TRAPPC8: variants seen among roughly 807,000 people sequenced by gnomAD.
The protein encoded by TRAPPC8 is general sporulation gene 1 homolog.
A neutral mutation model predicts 174.3 loss-of-function variants in TRAPPC8; 54 were observed. The observed-to-expected ratio is 0.31, with a 90% CI of 0.25 to 0.39. TRAPPC8 has a LOEUF of 0.39. Ranked by LOEUF, TRAPPC8 falls within the 10% of genes least tolerant of loss-of-function variation. TRAPPC8 has a pLI of 1.00. For synonymous variants in TRAPPC8, 630 were observed against 579.9 expected, an observed-to-expected ratio of 1.09 and a Z score of -1.24; for missense variants, 1,531 against 1,699.1, an observed-to-expected ratio of 0.90 and a Z score of 1.74.
chr18:31,936,017 G>A (rs1376953388), intron 1 of TRAPPC8, among the ~76,000 whole-genome samples: 3 of 151,696 alleles, frequency 2.0e-5, no homozygotes, highest in South Asian at 4.2e-4. Context: ...GATTACAGGC[G>A]TGAGCCACCA....
At chr18:31,931,610 A>C (rs907411393) in intron 1 of TRAPPC8, 87 bp from the exon 2 acceptor site, 1 of 1,042,692 alleles carries the variant, frequency 9.6e-7, no homozygotes, top group Non-Finnish European at 1.3e-6. Flanking sequence ...ACAAACAAAA[A>C]GGATGTACAA....
intron 26 of TRAPPC8, 112 bp from the exon 27 acceptor site, chr18:31,839,569 A>T (rs2032974547): frequency 2.1e-6 from 2 of 966,550 alleles, no homozygotes; most frequent in Non-Finnish European, 2.9e-6. Context: ...AATGTAATGC[A>T]TGAACAGTAC....
intron 14 of TRAPPC8, among the ~76,000 whole-genome samples, chr18:31,872,217 T>C (rs2034903389): frequency 6.6e-6 from 1 of 152,182 alleles, no homozygotes; most frequent in Non-Finnish European, 1.5e-5. Flanking sequence ...TTTCTGTTTC[T>C]GAGTTATTTA....
At chr18:31,864,914 T>G in intron 18 of TRAPPC8, 133 bp from the exon 19 acceptor site, 1 of 786,382 alleles carries the variant, frequency 1.3e-6, no homozygotes, top group South Asian at 2.0e-5. Flanking sequence ...TTAACATGAT[T>G]AATCAAAGAA....
intron 14 of TRAPPC8, among the ~76,000 whole-genome samples, chr18:31,872,954 T>C (rs1330840524): frequency 6.6e-6 from 1 of 151,168 alleles, no homozygotes; most frequent in Non-Finnish European, 1.5e-5. Flanking sequence ...ACCAAAATAG[T>C]AGTTATCTTC....
At chr18:31,852,372 A>T in intron 24 of TRAPPC8, 74 bp downstream of exon 24, 1 of 1,559,706 alleles carries the variant, frequency 6.4e-7, no homozygotes, top group African/African-American at 1.4e-5. Flanking sequence ...TTACTGCGAT[A>T]AGCCTTGCCA....
chr18:31,873,140 CT>C (rs1254727888), intron 14 of TRAPPC8, among the ~76,000 whole-genome samples: 2 of 148,342 alleles, frequency 1.3e-5, no homozygotes, highest in Non-Finnish European at 3.0e-5. Context: ...ACCTCAGCCT[CT>C]TGAGTTGATG....
intron 2 of TRAPPC8, among the ~76,000 whole-genome samples, chr18:31,929,360 T>C (rs2037756936): frequency 6.6e-6 from 1 of 151,306 alleles, no homozygotes; most frequent in African/African-American, 2.4e-5. Context: ...ACCCTGTCTC[T>C]ACAAAAAAAT....
At chr18:31,923,650 A>C (rs2037481498) in intron 2 of TRAPPC8, among the ~76,000 whole-genome samples, 1 of 152,094 alleles carries the variant, frequency 6.6e-6, no homozygotes, top group Non-Finnish European at 1.5e-5. Flanking sequence ...ATTTTACTAA[A>C]ATTAACGTAG....
In TRAPPC8 at chr18:31,917,589, TG is replaced by T; in HGVS notation, c.430del (p.His144ThrfsTer3). The T allele has an allele frequency of 6.2e-7, 1 of 1,612,186 alleles. No homozygotes were observed. Among genetic ancestry groups the T allele is most frequent in the Non-Finnish European group, 8.5e-7 (1 of 1,178,904 alleles). ...MPALDHEFLNHYLACMLVASS... is the reference protein window; with the variant it reads ...MPALDHEFLNXYLACMLVASS... ...ATGTCAAAGGATACATGCTAAATAG[TG>T]GTTCAGAAATTCATGATCCAATGCT... On this transcript the variant is annotated frameshift_variant, in exon 3 of 29. Coordinates refer to ENST00000283351, the MANE Select transcript of TRAPPC8 (RefSeq NM_014939.5). LOFTEE classifies it high-confidence loss of function.
chr18:31,908,296 T>C lies in TRAPPC8; in HGVS notation c.1238+7A>G, dbSNP rs1268374445. Reference sequence around the variant, plus strand: ...AGGAAAAACAAAAATGATAACACTTTACTCACAGCAAGCCAGATGTATTTT... The same window carrying C: ...AGGAAAAACAAAAATGATAACACTTCACTCACAGCAAGCCAGATGTATTTT... On this transcript the variant is annotated splice_region_variant and intron_variant, in intron 8 of 28. Transcript: ENST00000283351. 1 of 1,578,566 alleles carries C rather than the reference T, an allele frequency of 6.3e-7. No homozygotes were observed. Among genetic ancestry groups the C allele is most frequent in the Non-Finnish European group, 8.6e-7 (1 of 1,160,312 alleles).
Position 31,855,682 on chromosome 18 carries a change from A to G in TRAPPC8, c.3314T>C (p.Val1105Ala), listed in dbSNP as rs2033963219. 6.3e-7 allele frequency: 1 copy of G among 1,599,122 alleles called. No homozygotes were observed. The highest frequency in any genetic ancestry group is 1.4e-5 in the African/African-American group (1 of 73,694). ...EGRGGNMLVFVDVENTNTSEA... is the reference protein window; with the variant it reads ...EGRGGNMLVFADVENTNTSEA... Reference sequence around the variant, plus strand: ...TACAGTATTGGTATTTTCCACATCCACAAAGACTAGCATATTGCCTCCTCT... The same window carrying G: ...TACAGTATTGGTATTTTCCACATCCGCAAAGACTAGCATATTGCCTCCTCT... Residue 1105 changes from valine (V) to alanine (A), a missense_variant, in exon 21 of 29, where the codon GTG becomes GCG. Coordinates refer to ENST00000283351, the MANE Select transcript of TRAPPC8 (RefSeq NM_014939.5).
Position 31,857,663 on chromosome 18 carries a change from G to C in TRAPPC8, c.3065C>G (p.Thr1022Ser). ...PEVIPVPLPD[T>S]VLLPGASVQL... ...CACTGAGGCTCCGGGTAGAAGAACA[G>C]TGTCAGGAAGGGGAACAGGAATCAC... is the stretch of plus-strand genomic sequence containing the variant. Residue 1022 changes from threonine to serine, a missense_variant, in exon 20 of 29, where the codon ACT becomes AGT. Coordinates refer to ENST00000283351, the MANE Select transcript of TRAPPC8 (RefSeq NM_014939.5). The C allele has an allele frequency of 6.2e-7, 1 of 1,614,178 alleles. No individual in the cohort carries two copies. The highest frequency in any genetic ancestry group is 8.5e-7 in the Non-Finnish European group (1 of 1,180,020).
At position 31,846,756 on chromosome 18, in the gene TRAPPC8, C is replaced by A. The variant is rs201697808; in HGVS notation, c.3797G>T (p.Arg1266Leu). Residue 1266 changes from arginine (R) to leucine (L), a missense_variant, in exon 26 of 29, where the codon CGC (arginine) becomes CTC (leucine). Physicochemically the swap from Arg to Leu is moderately radical, Grantham distance 102. Coordinates refer to ENST00000283351, the MANE Select transcript of TRAPPC8 (RefSeq NM_014939.5). ...TGAAAAGGCTTCTTTTCCTATAGTG[C>A]GAAGAATAACATGATGTTGACCTTC... Reference protein sequence around the residue: ...ILEGQHHVILRTIGKEAFSYP... With the variant: ...ILEGQHHVILLTIGKEAFSYP... 3.1e-6 allele frequency: 5 copies of A among 1,612,730 alleles called. No individual in the cohort carries two copies. Among genetic ancestry groups the A allele is most frequent in the South Asian group, 1.1e-5 (1 of 90,894 alleles).
intron 4 of TRAPPC8, among the ~76,000 whole-genome samples, chr18:31,915,195 G>A (rs923146931): frequency 5.3e-5 from 8 of 152,224 alleles, no homozygotes; most frequent in Non-Finnish European, 1.2e-4. Context: ...AAGGCCAGGC[G>A]AGGTGGCTCA....
chr18:31,910,995 G>A (rs1368800351), intron 5 of TRAPPC8, among the ~76,000 whole-genome samples: 5 of 152,006 alleles, frequency 3.3e-5, no homozygotes, highest in African/African-American at 9.7e-5. Flanking sequence ...CTTAAAGAAC[G>A]TCAGTAATCA....
At position 31,875,722 on chromosome 18, in the gene TRAPPC8, G is replaced by T. The variant is rs77347433; in HGVS notation, c.1729-1018C>A. On this transcript the variant is annotated intron_variant, in intron 12 of 28. Coordinates refer to ENST00000283351, the MANE Select transcript of TRAPPC8 (RefSeq NM_014939.5). ...AGATGTGTGTTCAAAATGGAAAATT[G>T]CAAGGAATGCCAAAATCTTACAAGT... is the stretch of plus-strand genomic sequence containing the variant. Among the ~76,000 whole-genome samples the T allele has an allele frequency of 2.9e-3, 440 of 152,286 alleles. 4 individuals are homozygous for T. Among genetic ancestry groups the T allele is most frequent in the African/African-American group, 0.01 (422 of 41,562 alleles).
At chr18:31,905,913 G>A (rs1198214262) in intron 9 of TRAPPC8, among the ~76,000 whole-genome samples, 1 of 152,004 alleles carries the variant, frequency 6.6e-6, no homozygotes, top group Non-Finnish European at 1.5e-5. Context: ...TGCATACCTA[G>A]GTTATAAGGT....
intron 16 of TRAPPC8, 102 bp downstream of exon 16, chr18:31,870,270 A>G: frequency 5.5e-6 from 6 of 1,090,338 alleles, no homozygotes; most frequent in Non-Finnish European, 7.4e-6. Flanking sequence ...AAAATAAACC[A>G]AAAAGAAGTA....
Sources: allele counts gnomAD v4.1 joint callset (sites outside exome capture counted in the v4.1 genomes callset), GRCh38; gene constraint gnomAD v4.1.1; transcripts MANE v1.5; gene names NCBI Gene and HGNC (gene_info 2026-07-23, HGNC 2026-07-21).